The following GPC5 variants were observed in gnomAD, a reference collection of about 807,000 sequenced individuals.
GPC5 encodes the protein glypican 5, also known as glypican-5.
A neutral mutation model predicts 53.9 loss-of-function variants in GPC5; 47 were observed. That is an observed-to-expected ratio of 0.87 (90% CI 0.69 to 1.11). GPC5 has a LOEUF of 1.11. GPC5 is among the 50% of genes most tolerant of loss of function. The pLI is 0.00. For missense variants in GPC5, 748 were observed against 713.1 expected (o/e 1.05, Z -0.56); for synonymous variants, 286 against 263.3 (o/e 1.09, Z -0.84).
chr13:91,541,417 T>C (rs1032713077), intron 2 of GPC5, among the ~76,000 whole-genome samples: 19 of 152,176 alleles, frequency 1.2e-4, no homozygotes, highest in African/African-American at 4.3e-4. Flanking sequence ...CCTCCTTTAT[T>C]ATAAACTGCA....
intron 3 of GPC5, among the ~76,000 whole-genome samples, chr13:91,721,002 C>T (rs915849798): frequency 5.3e-5 from 8 of 152,348 alleles, no homozygotes; most frequent in Middle Eastern, 3.4e-3. Flanking sequence ...CTGAAACACA[C>T]TCAAAACTTC....
rs75158007 is a variant in GPC5, at chr13:92,749,377, A to G, written c.1562-116905A>G. Among the ~76,000 whole-genome samples the G allele has an allele frequency of 9.9e-4, 151 of 152,246 alleles. 6 individuals carry two copies. The East Asian group carries it at 0.026, about 27-fold the overall frequency. ...ATCATGTTGTATTAATGACTACATA[A>G]AAGTCACTATATACAATAAACTTTC... is the stretch of plus-strand genomic sequence containing the variant. On this transcript the variant is annotated intron_variant, in intron 7 of 7. Coordinates refer to ENST00000377067, the MANE Select transcript of GPC5 (RefSeq NM_004466.6).
At chr13:92,706,110 C>G (rs1426961545) in intron 7 of GPC5, 1 of 151,680 alleles carries the variant, frequency 6.6e-6, no homozygotes, top group Non-Finnish European at 1.5e-5. Flanking sequence ...TAGAAGTAGT[C>G]CATCAACAAA....
At chr13:92,761,916 A>G (rs1192700190) in intron 7 of GPC5, among the ~76,000 whole-genome samples, 1 of 152,164 alleles carries the variant, frequency 6.6e-6, no homozygotes, top group Non-Finnish European at 1.5e-5. Context: ...GCAGCTGAGA[A>G]TATTATACCC....
At chr13:91,582,491 G>A (rs976869595) in intron 2 of GPC5, among the ~76,000 whole-genome samples, 1 of 151,894 alleles carries the variant, frequency 6.6e-6, no homozygotes, top group Non-Finnish European at 1.5e-5. Context: ...AGAAACAAAA[G>A]ATAGAGACTC....
At chr13:92,557,245 T>A (rs1390324904) in intron 7 of GPC5, among the ~76,000 whole-genome samples, 1 of 151,894 alleles carries the variant, frequency 6.6e-6, no homozygotes, top group South Asian at 2.1e-4. Context: ...AGTGATAGCA[T>A]CAACATTTTT....
intron 2 of GPC5, among the ~76,000 whole-genome samples, chr13:91,553,745 T>C (rs751783200): frequency 2.6e-5 from 4 of 152,056 alleles, no homozygotes; most frequent in Non-Finnish European, 4.4e-5. Flanking sequence ...TTAGCAATAA[T>C]TACTTACTCT....
intron 5 of GPC5, among the ~76,000 whole-genome samples, chr13:91,761,552 T>C (rs1028759437): frequency 2.0e-5 from 3 of 152,164 alleles, no homozygotes; most frequent in African/African-American, 7.2e-5. Context: ...TTGGGGTTTC[T>C]ACAACCCCCT....
intron 1 of GPC5, among the ~76,000 whole-genome samples, chr13:91,442,071 C>A (rs1880476437): frequency 6.6e-6 from 1 of 152,114 alleles, no homozygotes; most frequent in Non-Finnish European, 1.5e-5. Context: ...AACCAGCAAT[C>A]CTACCTTAAA....
intron 1 of GPC5, among the ~76,000 whole-genome samples, chr13:91,421,372 C>T (rs58420960): frequency 0.077 from 11,670 of 152,098 alleles, 1,439 homozygotes; most frequent in African/African-American, 0.26. Context: ...TAAAAGAGCA[C>T]ATTTTTATAA....
intron 7 of GPC5, among the ~76,000 whole-genome samples, chr13:92,327,932 T>C (rs968100337): frequency 2.0e-5 from 3 of 152,150 alleles, no homozygotes; most frequent in African/African-American, 7.2e-5. Context: ...CTAAGCAAAG[T>C]TTTCCCTCAA....
intron 6 of GPC5, among the ~76,000 whole-genome samples, chr13:92,014,348 C>T (rs2040688705): frequency 1.3e-5 from 2 of 152,082 alleles, no homozygotes; most frequent in Non-Finnish European, 2.9e-5. Context: ...GCTGGGCTTT[C>T]ATTGTGTTTC....
At chr13:92,595,223 A>G (rs891736698) in intron 7 of GPC5, among the ~76,000 whole-genome samples, 10 of 152,086 alleles carry the variant, frequency 6.6e-5, no homozygotes, top group Non-Finnish European at 8.8e-5. Context: ...CCCCTTTTTC[A>G]AAGTTTAAAT....
At chr13:91,544,534 C>G (rs1213475293) in intron 2 of GPC5, among the ~76,000 whole-genome samples, 3 of 152,156 alleles carry the variant, frequency 2.0e-5, no homozygotes, top group Non-Finnish European at 4.4e-5. Context: ...CATCAACATA[C>G]AGTCATTAAA....
chr13:92,486,078 C>T (rs1013385294), intron 7 of GPC5, among the ~76,000 whole-genome samples: 1 of 152,194 alleles, frequency 6.6e-6, no homozygotes, highest in African/African-American at 2.4e-5. Flanking sequence ...ATCCAGATTT[C>T]CTTATTAATA....
chr13:92,805,105 C>A (rs1877044269), intron 7 of GPC5, among the ~76,000 whole-genome samples: 1 of 152,022 alleles, frequency 6.6e-6, no homozygotes, highest in South Asian at 2.1e-4. Flanking sequence ...TTGGAATCAA[C>A]TTCTTCCAAA....
chr13:91,790,968 T>C (rs2037954942), intron 5 of GPC5, among the ~76,000 whole-genome samples: 1 of 152,232 alleles, frequency 6.6e-6, no homozygotes, highest in African/African-American at 2.4e-5. Context: ...TCGGTGTGAA[T>C]GAAAGTGTAT....
intron 6 of GPC5, among the ~76,000 whole-genome samples, chr13:92,001,647 A>G (rs1207606456): frequency 2.0e-5 from 3 of 152,224 alleles, no homozygotes; most frequent in African/African-American, 7.2e-5. Flanking sequence ...AATACTGGAT[A>G]CTGAAGAAAT....
intron 2 of GPC5, among the ~76,000 whole-genome samples, chr13:91,586,794 T>A (rs1432778065): frequency 1.3e-5 from 2 of 151,194 alleles, no homozygotes; most frequent in South Asian, 4.2e-4. Flanking sequence ...TATTGCACAA[T>A]ATTGATTTTG....
Sources: gnomAD v4.1 joint callset for allele counts (sites outside exome capture counted in the v4.1 genomes callset) on GRCh38, gnomAD v4.1.1 for gene constraint, MANE v1.5 for transcripts, NCBI Gene and HGNC (gene_info 2026-07-23, HGNC 2026-07-21) for gene names.